MDGA2: variants seen among roughly 807,000 people sequenced by gnomAD.
MDGA2 encodes the protein MAM domain containing glycosylphosphatidylinositol anchor 2.
Under a neutral mutation model 117.8 loss-of-function variants are expected in MDGA2, and 40 were observed. That is an observed-to-expected ratio of 0.34 (90% CI 0.26 to 0.44). The LOEUF (loss-of-function observed/expected upper bound fraction) is 0.44. Among genes scored for constraint, MDGA2 ranks in the 20% least tolerant of loss-of-function variants. The probability of loss-of-function intolerance (pLI) is 1.00; values close to 1 mark genes in which losing one functional copy is unlikely to be tolerated. For missense variants in MDGA2, 1,123 were observed against 1,250.6 expected (o/e 0.90, Z 1.54); for synonymous variants, 452 against 439.0 (o/e 1.03, Z -0.37).
intron 1 of MDGA2, among the ~76,000 whole-genome samples, chr14:47,595,222 G>A (rs1896513813): frequency 6.7e-6 from 1 of 150,170 alleles, no homozygotes; most frequent in Middle Eastern, 3.5e-3. Context: ...TTTTCTTGCA[G>A]ATCTATAGCA....
chr14:47,383,233 T>C (rs1891676998), intron 1 of MDGA2, among the ~76,000 whole-genome samples: 1 of 151,944 alleles, frequency 6.6e-6, no homozygotes. Flanking sequence ...CATTAGGAGA[T>C]ATATCTAATG....
chr14:47,115,727 AT>A (rs1197144993), intron 5 of MDGA2, among the ~76,000 whole-genome samples: 1 of 152,082 alleles, frequency 6.6e-6, no homozygotes, highest in Admixed American at 6.6e-5. Context: ...ATTAGTCACA[AT>A]TCAGCACCCT....
chr14:47,070,966 A>G (rs965105769), intron 6 of MDGA2, among the ~76,000 whole-genome samples: 2 of 152,178 alleles, frequency 1.3e-5, no homozygotes, highest in Non-Finnish European at 2.9e-5. Flanking sequence ...CTTTTATTAC[A>G]TCTGAGTTGA....
chr14:46,905,459 C>A (rs1883451840), intron 10 of MDGA2, among the ~76,000 whole-genome samples: 1 of 151,962 alleles, frequency 6.6e-6, no homozygotes, highest in South Asian at 2.1e-4. Context: ...TGCAAACTAT[C>A]TCATACATAA....
chr14:47,341,872 T>G (rs1445941501), intron 1 of MDGA2, among the ~76,000 whole-genome samples: 1 of 152,086 alleles, frequency 6.6e-6, no homozygotes, highest in Non-Finnish European at 1.5e-5. Flanking sequence ...AGACTCTCGC[T>G]CTGTGGCCTA....
At chr14:47,237,874 C>G (rs1886915952) in intron 2 of MDGA2, among the ~76,000 whole-genome samples, 1 of 152,150 alleles carries the variant, frequency 6.6e-6, no homozygotes, top group African/African-American at 2.4e-5. Context: ...AATCTATGTC[C>G]CAAATTGCAG....
At chr14:46,932,020 T>C (rs952977680) in intron 9 of MDGA2, among the ~76,000 whole-genome samples, 1 of 152,076 alleles carries the variant, frequency 6.6e-6, no homozygotes, top group African/African-American at 2.4e-5. Flanking sequence ...ACATAACCCA[T>C]AATTCGACAA....
At chr14:47,466,401 G>T (rs1185539545) in intron 1 of MDGA2, among the ~76,000 whole-genome samples, 2 of 152,028 alleles carry the variant, frequency 1.3e-5, no homozygotes, top group Non-Finnish European at 2.9e-5. Context: ...TCCTTATTTG[G>T]GTCTATGTGA....
chr14:47,057,208 A>G (rs1430566876), intron 7 of MDGA2, among the ~76,000 whole-genome samples: 1 of 152,116 alleles, frequency 6.6e-6, no homozygotes, highest in African/African-American at 2.4e-5. Flanking sequence ...ACTTTTGTCA[A>G]GTTTTAACTC....
chr14:47,175,347 A>C (rs1236389502), intron 3 of MDGA2, among the ~76,000 whole-genome samples: 1 of 151,754 alleles, frequency 6.6e-6, no homozygotes, highest in South Asian at 2.1e-4. Context: ...ACACAACCAA[A>C]AAAGAGAATT....
At chr14:47,269,175 G>T (rs1022180392) in intron 2 of MDGA2, among the ~76,000 whole-genome samples, 15 of 152,132 alleles carry the variant, frequency 9.9e-5, no homozygotes, top group Non-Finnish European at 2.1e-4. Flanking sequence ...AGTACTATAC[G>T]TAGTAGGACT....
chr14:46,867,248 T>C (rs1881807299), intron 14 of MDGA2, among the ~76,000 whole-genome samples: 1 of 152,190 alleles, frequency 6.6e-6, no homozygotes, highest in Non-Finnish European at 1.5e-5. Context: ...TGTAAGGACA[T>C]GGATGAAATT....
chr14:46,845,205 C>A (rs1003294349), intron 16 of MDGA2, among the ~76,000 whole-genome samples: 2 of 152,168 alleles, frequency 1.3e-5, no homozygotes, highest in African/African-American at 2.4e-5. Context: ...TTATAAGGGG[C>A]ACTTCCCCCT....
chr14:47,506,987 C>T (rs1894526748), intron 1 of MDGA2, among the ~76,000 whole-genome samples: 1 of 149,826 alleles, frequency 6.7e-6, no homozygotes, highest in South Asian at 2.1e-4. Flanking sequence ...GACAAAAAGG[C>T]TGCTTACTTT....
At chr14:47,508,234 G>C (rs1404384824) in intron 1 of MDGA2, among the ~76,000 whole-genome samples, 12 of 151,934 alleles carry the variant, frequency 7.9e-5, no homozygotes, top group Non-Finnish European at 1.8e-4. Context: ...TTCTTATATA[G>C]CTGTTTGCTC....
intron 2 of MDGA2, among the ~76,000 whole-genome samples, chr14:47,250,068 C>T (rs1468778437): frequency 6.6e-6 from 1 of 152,180 alleles, no homozygotes; most frequent in Admixed American, 6.5e-5. Flanking sequence ...GAAGGAAATT[C>T]TGGAGTGTGG....
intron 1 of MDGA2, among the ~76,000 whole-genome samples, chr14:47,647,168 G>C (rs576189404): frequency 1.3e-5 from 2 of 152,224 alleles, no homozygotes; most frequent in Admixed American, 6.5e-5. Context: ...AAGTCAGGAA[G>C]ATTAAAAATA....
At chr14:47,061,041 T>C (rs1889863489) in intron 7 of MDGA2, among the ~76,000 whole-genome samples, 1 of 152,048 alleles carries the variant, frequency 6.6e-6, no homozygotes, top group Admixed American at 6.6e-5. Context: ...ATTTGGATAA[T>C]TTCTGTAAAA....
At chr14:47,039,603 A>G (rs750528740) in intron 7 of MDGA2, among the ~76,000 whole-genome samples, 16 of 152,284 alleles carry the variant, frequency 1.1e-4, no homozygotes, top group East Asian at 3.9e-4. Flanking sequence ...ACAAACCTCA[A>G]TGAGAGTGCT....
Sources: gnomAD v4.1 joint callset for allele counts (sites outside exome capture counted in the v4.1 genomes callset) on GRCh38, gnomAD v4.1.1 for gene constraint, MANE v1.5 for transcripts, NCBI Gene and HGNC (gene_info 2026-07-23, HGNC 2026-07-21) for gene names.